DAAM2: variants seen among roughly 807,000 people sequenced by gnomAD.
The protein encoded by DAAM2 is disheveled-associated activator of morphogenesis 2.
In DAAM2, 39 loss-of-function variants were observed where a neutral mutation model predicts 120.7. The observed-to-expected ratio is 0.32, with a 90% CI of 0.25 to 0.42. The LOEUF (loss-of-function observed/expected upper bound fraction) is 0.42, where lower values mean the gene tolerates loss of function less well. Ranked by LOEUF, DAAM2 falls within the 10% of genes least tolerant of loss-of-function variation. The probability of loss-of-function intolerance (pLI) is 1.00; values close to 1 mark genes in which losing one functional copy is unlikely to be tolerated. For missense variants in DAAM2, 1,283 were observed against 1,401.7 expected (o/e 0.92, Z 1.35); for synonymous variants, 488 against 524.9 (o/e 0.93, Z 0.96).
chr6:39,868,592 G>A, intron 6 of DAAM2: 1 of 545,640 alleles, frequency 1.8e-6, no homozygotes, highest in Non-Finnish European at 3.3e-6. Flanking sequence ...AAGCCCCAAA[G>A]GCTGAGTGGA....
intron 1 of DAAM2, among the ~76,000 whole-genome samples, chr6:39,845,316 A>G (rs1367748375): frequency 6.1e-4 from 2 of 3,276 alleles, no homozygotes; most frequent in African/African-American, 2.4e-3. Flanking sequence ...TACCACGTGT[A>G]TACACCACAC....
intron 15 of DAAM2, chr6:39,885,992 C>T (rs149806384): frequency 3.7e-5 from 6 of 161,968 alleles, no homozygotes; most frequent in African/African-American, 9.5e-5. Flanking sequence ...CTGGAGCTTC[C>T]AGATCGAGTT....
At chr6:39,883,218 G>A (rs1239414916) in intron 14 of DAAM2, among the ~76,000 whole-genome samples, 1 of 149,528 alleles carries the variant, frequency 6.7e-6, no homozygotes, top group East Asian at 2.0e-4. Flanking sequence ...CTAACAGCCA[G>A]GATCCAGACC....
chr6:39,828,358 A>G (rs1197166388), intron 1 of DAAM2, among the ~76,000 whole-genome samples: 1 of 152,204 alleles, frequency 6.6e-6, no homozygotes, highest in Non-Finnish European at 1.5e-5. Flanking sequence ...TGTAAAGAGC[A>G]TAGGTACTCC....
chr6:39,839,031 T>G (rs9367030), intron 1 of DAAM2, among the ~76,000 whole-genome samples: 8 of 151,766 alleles, frequency 5.3e-5, no homozygotes, highest in African/African-American at 1.5e-4. Flanking sequence ...TGGTCCCCCC[T>G]CTCTCTCCTC....
chr6:39,855,778 C>T (rs935127033), intron 1 of DAAM2, among the ~76,000 whole-genome samples: 1 of 152,200 alleles, frequency 6.6e-6, no homozygotes, highest in South Asian at 2.1e-4. Context: ...CAGCCTTCTT[C>T]AACTCTTTCC....
intron 22 of DAAM2, chr6:39,899,811 CTG>C (rs1562067055): frequency 3.0e-6 from 1 of 330,488 alleles, no homozygotes; most frequent in East Asian, 6.4e-5. Context: ...GTCTGAGAGT[CTG>C]TATTTCTCAT....
intron 1 of DAAM2, chr6:39,821,342 G>A (rs189428096): frequency 6.6e-6 from 1 of 152,442 alleles, no homozygotes; most frequent in East Asian, 1.9e-4. Flanking sequence ...CCCACAGAAG[G>A]ACTCCCTGTC....
rs1766529787 is a variant in DAAM2 at position 39,902,104 on chromosome 6, G to A, written c.*67G>A. Reference sequence around the variant, plus strand: ...GGTGAGAATGGGGCTGAGTGGAGGAGGTGGTGATATTTAAACCATTTGGTG... The same window carrying A: ...GGTGAGAATGGGGCTGAGTGGAGGAAGTGGTGATATTTAAACCATTTGGTG... On this transcript the variant is annotated 3_prime_UTR_variant, in exon 25 of 25. Coordinates refer to ENST00000274867, the MANE Select transcript of DAAM2 (RefSeq NM_001201427.2). 7.2e-7 allele frequency: 1 copy of A among 1,379,504 alleles called. No individual in the cohort carries two copies. 85.5% of individuals were successfully genotyped at this position (1,379,504 alleles called of 1,614,324 possible).
At chr6:39,852,047 A>G (rs931739292) in intron 1 of DAAM2, among the ~76,000 whole-genome samples, 2 of 152,172 alleles carry the variant, frequency 1.3e-5, no homozygotes, top group Non-Finnish European at 2.9e-5. Context: ...GGGGACTAAC[A>G]GTCTTGAGGA....
intron 4 of DAAM2, among the ~76,000 whole-genome samples, chr6:39,864,718 C>T (rs1369908604): frequency 1.3e-5 from 2 of 152,222 alleles, no homozygotes; most frequent in Non-Finnish European, 2.9e-5. Context: ...AGTCCCCCAA[C>T]CATTTAAACA....
intron 15 of DAAM2, chr6:39,887,239 A>C (rs1246662552): frequency 2.4e-6 from 1 of 417,312 alleles, no homozygotes; most frequent in Non-Finnish European, 4.3e-6. Context: ...CTCTAAAAAA[A>C]TAAAAAAAAT....
intron 14 of DAAM2, among the ~76,000 whole-genome samples, chr6:39,881,513 T>C (rs1247438384): frequency 6.6e-6 from 1 of 152,060 alleles, no homozygotes; most frequent in African/African-American, 2.4e-5. Flanking sequence ...GGTCAGGAGT[T>C]TGAGACCAGC....
At chr6:39,804,522 C>CTGTGTG (rs10688621) in intron 1 of DAAM2, among the ~76,000 whole-genome samples, 4,817 of 149,406 alleles carry the variant, frequency 0.032, 143 homozygotes, top group East Asian at 0.14. Context: ...GAGATCAGTT[C>CTGTGTG]TGTGTGTGTG....
intron 15 of DAAM2, chr6:39,884,837 C>T (rs368280649): frequency 2.5e-4 from 38 of 152,426 alleles, no homozygotes; most frequent in African/African-American, 8.7e-4. Context: ...CTTCTCAGAC[C>T]TCATCCTGGA....
chr6:39,885,431 C>T (rs1444561040), intron 15 of DAAM2: 3 of 152,300 alleles, frequency 2.0e-5, no homozygotes, highest in East Asian at 1.9e-4. Context: ...GCTTGGTGAT[C>T]GCAGGCCACC....
intron 1 of DAAM2, among the ~76,000 whole-genome samples, chr6:39,825,239 A>C (rs1408842720): frequency 6.6e-6 from 1 of 151,780 alleles, no homozygotes; most frequent in Non-Finnish European, 1.5e-5. Flanking sequence ...AAAATACAAA[A>C]ATTAGCCAGG....
At chr6:39,883,622 C>T (rs1765235820) in intron 14 of DAAM2, 1 of 262,398 alleles carries the variant, frequency 3.8e-6, no homozygotes, top group Non-Finnish European at 7.4e-6. Flanking sequence ...TGTGAAGTAC[C>T]CTGAGTGCAG....
At chr6:39,873,013 T>A (rs1764723644) in intron 9 of DAAM2, among the ~76,000 whole-genome samples, 1 of 152,194 alleles carries the variant, frequency 6.6e-6, no homozygotes, top group East Asian at 1.9e-4. Context: ...AATGAGTAAT[T>A]ATCTGACCCA....
Sources: gnomAD v4.1 joint callset for allele counts (sites outside exome capture counted in the v4.1 genomes callset) on GRCh38, gnomAD v4.1.1 for gene constraint, MANE v1.5 for transcripts, NCBI Gene and HGNC (gene_info 2026-07-23, HGNC 2026-07-21) for gene names.